Variants in SEPTIN6 observed in about 807,000 individuals in gnomAD.
SEPTIN6 encodes septin-6.
Under a neutral mutation model 33.6 loss-of-function variants are expected in SEPTIN6, and 8 were observed. The ratio of observed to expected loss-of-function variants is 0.24; its 90% confidence interval spans 0.14 to 0.43. SEPTIN6 has a LOEUF of 0.43. Among genes scored for constraint, SEPTIN6 ranks in the 20% least tolerant of loss-of-function variants. The pLI is 1.00. For missense variants in SEPTIN6, 250 were observed against 340.8 expected, an observed-to-expected ratio of 0.73 and a Z score of 2.10; for synonymous variants, 131 against 140.0, an observed-to-expected ratio of 0.94 and a Z score of 0.45.
At chrX:119,680,312 G>A (rs912594719) in intron 1 of SEPTIN6, among the ~76,000 whole-genome samples, 12 of 108,809 alleles carry the variant, frequency 1.1e-4, no homozygotes, top group South Asian at 4.0e-4. Context: ...GGGTTCAAGC[G>A]ATTCTCCTGC....
rs376980776 is a variant in SEPTIN6, at chrX:119,654,092, A to AAACT, written c.342-1053_342-1052insAGTT. 8.4e-4 allele frequency among the ~76,000 whole-genome samples: 92 copies of AAACT among 109,563 alleles called. 4 individuals are homozygous for AAACT. The highest frequency in any genetic ancestry group is 1.6e-3 in the South Asian group (4 of 2,518). ...TCCAAAAACAAACAAACAAACAAAC[A>AAACT]AAGTATTCAGGCAAAATCTGGTAAA... On this transcript the variant is annotated intron_variant, in intron 3 of 10. Transcript: ENST00000394610.
intron 5 of SEPTIN6, among the ~76,000 whole-genome samples, chrX:119,649,025 G>A (rs182253433): frequency 2.3e-3 from 257 of 110,639 alleles, no homozygotes; most frequent in African/African-American, 7.9e-3. Context: ...TTCTCTAGTA[G>A]GAGAAAGTGG....
intron 1 of SEPTIN6, among the ~76,000 whole-genome samples, chrX:119,691,651 A>G (rs1189839491): frequency 1.8e-5 from 2 of 112,086 alleles, no homozygotes; most frequent in African/African-American, 6.5e-5. Flanking sequence ...CCTTCCAAAC[A>G]GGGACAAAAG....
rs769231716 is a variant in SEPTIN6 at position 119,682,853 on chromosome X, C to A, written c.31-7185G>T. Among the ~76,000 whole-genome samples, 5 of 111,831 alleles carry A rather than the reference C, an allele frequency of 4.5e-5. No individual in the cohort carries two copies. The East Asian group carries it at 1.4e-3, about 31-fold the overall frequency. ...CCGCCTCTGTTTCAAACCAGGGTGG[C>A]TAAATTAGTAGCTGTCATTCTAAAG... On this transcript the variant is annotated intron_variant, in intron 1 of 10. Coordinates refer to ENST00000394610, the MANE Select transcript of SEPTIN6 (RefSeq NM_145799.4).
At chrX:119,641,704 T>C (rs1169713485) in intron 5 of SEPTIN6, among the ~76,000 whole-genome samples, 1 of 111,807 alleles carries the variant, frequency 8.9e-6, no homozygotes, top group African/African-American at 3.2e-5. Flanking sequence ...GACTTGGCAG[T>C]ATGGGGCCTA....
Position 119,625,343 on chromosome X carries a change from T to C in SEPTIN6, c.*33A>G. 8.3e-7 allele frequency: 1 copy of C among 1,203,717 alleles called. No individual in the cohort carries two copies. ...GAGTTAATCAAGCTTACCAGGACCC[T>C]GGGTCTCATGCAGCATGCAGCAAAC... is the stretch of plus-strand genomic sequence containing the variant. On this transcript the variant is annotated 3_prime_UTR_variant, in exon 10 of 11. Transcript: ENST00000394610.
At chrX:119,648,674 C>T (rs1344813701) in intron 5 of SEPTIN6, among the ~76,000 whole-genome samples, 1 of 111,378 alleles carries the variant, frequency 9.0e-6, no homozygotes, top group Non-Finnish European at 1.9e-5. Flanking sequence ...TCAGGAGAGA[C>T]AATGACTTGC....
intron 2 of SEPTIN6, among the ~76,000 whole-genome samples, chrX:119,664,308 A>G (rs1037949737): frequency 2.0e-4 from 22 of 111,394 alleles, no homozygotes; most frequent in African/African-American, 6.8e-4. Flanking sequence ...TATAGTCAGA[A>G]AAAGAAATTA....
intron 3 of SEPTIN6, among the ~76,000 whole-genome samples, chrX:119,654,483 C>T (rs1331478329): frequency 9.0e-6 from 1 of 111,440 alleles, no homozygotes; most frequent in Non-Finnish European, 1.9e-5. Context: ...TTTCAGATAC[C>T]GCTGCCAGAA....
intron 5 of SEPTIN6, among the ~76,000 whole-genome samples, chrX:119,648,043 T>C (rs1338209661): frequency 9.2e-6 from 1 of 108,571 alleles, no homozygotes; most frequent in Non-Finnish European, 1.9e-5. Context: ...AACACAATTA[T>C]GAGTAATAAA....
intron 5 of SEPTIN6, among the ~76,000 whole-genome samples, 155 bp from the exon 6 acceptor site, chrX:119,640,943 C>T (rs1161317531): frequency 8.9e-6 from 1 of 112,399 alleles, no homozygotes; most frequent in Non-Finnish European, 1.9e-5. Context: ...AGTTCCCAAA[C>T]CATGTGAGGA....
At chrX:119,649,111 ATTTTTTTTTT>A (rs200217501) in intron 5 of SEPTIN6, among the ~76,000 whole-genome samples, 14,388 of 75,675 alleles carry the variant, frequency 0.19, 1,085 homozygotes, top group Admixed American at 0.33. Context: ...CATAACGCTG[ATTTTTTTTTT>A]TTTTTTTTTT....
At chrX:119,687,501 G>A (rs897438409) in intron 1 of SEPTIN6, among the ~76,000 whole-genome samples, 3 of 110,873 alleles carry the variant, frequency 2.7e-5, no homozygotes, top group African/African-American at 6.6e-5. Context: ...TGCCCGCCTC[G>A]GCCTCCCAAA....
At position 119,618,830 on chromosome X, in the gene SEPTIN6, T is replaced by C; in HGVS notation, c.*1263A>G. On this transcript the variant is annotated 3_prime_UTR_variant, in exon 11 of 11. Coordinates refer to ENST00000394610, the MANE Select transcript of SEPTIN6 (RefSeq NM_145799.4). ...GAGACGGCATGTTAGCCACAGATCATTGCCAGGTCAACTCCATCTCTCACA... is the reference window on the plus strand; with the variant it reads ...GAGACGGCATGTTAGCCACAGATCACTGCCAGGTCAACTCCATCTCTCACA... The C allele has an allele frequency of 8.3e-7, 1 of 1,208,070 alleles. No homozygotes were observed. The highest frequency in any genetic ancestry group is 1.1e-6 in the Non-Finnish European group (1 of 893,605).
chrX:119,618,997 A>G lies in SEPTIN6; in HGVS notation c.*1096T>C, dbSNP rs886944969. The G allele has an allele frequency of 1.0e-6, 1 of 972,316 alleles. No individual in the cohort carries two copies. The highest frequency in any genetic ancestry group is 2.0e-5 in the African/African-American group (1 of 49,574). 80.1% of individuals were successfully genotyped at this position (972,316 alleles called of 1,213,427 possible). On this transcript the variant is annotated 3_prime_UTR_variant, in exon 11 of 11. Transcript: ENST00000394610. ...GGGCTGGAATATTTTTAAACTCTCA[A>G]CTCCTTAAATTGGAAAGAAAGTTAA...
chrX:119,692,978 G>A, intron 1 of SEPTIN6, 98 bp downstream of exon 1: 2 of 915,385 alleles, frequency 2.2e-6, no homozygotes, highest in Non-Finnish European at 3.1e-6. Flanking sequence ...CCTGGATGCT[G>A]CCCACTGCCC....
At chrX:119,624,165 T>TG in intron 10 of SEPTIN6, 5 of 204,608 alleles carry the variant, frequency 2.4e-5, no homozygotes, top group South Asian at 4.9e-5. Context: ...TTGTTTTTTT[T>TG]TTTGTTTGTT....
At chrX:119,654,610 TAAGA>T (rs1225288221) in intron 3 of SEPTIN6, among the ~76,000 whole-genome samples, 1 of 111,832 alleles carries the variant, frequency 8.9e-6, no homozygotes, top group Non-Finnish European at 1.9e-5. Context: ...AATAGCCTTT[TAAGA>T]AAGAATCACA....
intron 1 of SEPTIN6, among the ~76,000 whole-genome samples, chrX:119,676,571 A>G (rs375903463): frequency 8.9e-6 from 1 of 111,908 alleles, no homozygotes; most frequent in East Asian, 2.8e-4. Flanking sequence ...AGAGTTTGAG[A>G]CCAGCCTGGG....
Sources: gnomAD v4.1 joint callset for allele counts (sites outside exome capture counted in the v4.1 genomes callset) on GRCh38, gnomAD v4.1.1 for gene constraint, MANE v1.5 for transcripts, NCBI Gene and HGNC (gene_info 2026-07-23, HGNC 2026-07-21) for gene names.